CDH13: variants seen among roughly 807,000 people sequenced by gnomAD.
The protein encoded by CDH13 is cadherin 13.
CDH13 carries 24 observed loss-of-function variants against 63.8 expected under a neutral mutation model. That is an observed-to-expected ratio of 0.38 (90% CI 0.27 to 0.53). The LOEUF is 0.53. Among genes scored for constraint, CDH13 ranks in the 20% least tolerant of loss-of-function variants. The probability of loss-of-function intolerance (pLI) is 0.85; values close to 1 mark genes in which losing one functional copy is unlikely to be tolerated. For synonymous variants in CDH13, 503 were observed against 355.3 expected, an observed-to-expected ratio of 1.42 and a Z score of -4.67; for missense variants, 1,049 against 903.1, an observed-to-expected ratio of 1.16 and a Z score of -2.07.
chr16:83,759,812 C>G (rs1351590403), intron 11 of CDH13, among the ~76,000 whole-genome samples: 1 of 151,910 alleles, frequency 6.6e-6, no homozygotes, highest in African/African-American at 2.4e-5. Flanking sequence ...CCTGTGGTCC[C>G]AGCTACACAG....
At chr16:83,086,525 C>G (rs1238517676) in intron 3 of CDH13, among the ~76,000 whole-genome samples, 1 of 152,192 alleles carries the variant, frequency 6.6e-6, no homozygotes, top group Non-Finnish European at 1.5e-5. Context: ...AAGCGGAATC[C>G]TTGTCTTTGT....
chr16:82,968,907 C>G (rs1039318783), intron 2 of CDH13, among the ~76,000 whole-genome samples: 2 of 152,080 alleles, frequency 1.3e-5, no homozygotes, highest in African/African-American at 4.8e-5. Context: ...ATTGCTTGAG[C>G]TCAAGAGTTC....
Position 83,538,268 on chromosome 16 carries a change from G to A in CDH13, c.960+51613G>A, listed in dbSNP as rs796933217. 1.4e-4 allele frequency among the ~76,000 whole-genome samples: 21 copies of A among 152,260 alleles called. 1 individual carries two copies. Among genetic ancestry groups the A allele is most frequent in the African/African-American group, 4.8e-4 (20 of 41,550 alleles). The stretch of plus-strand genomic sequence containing the variant: ...TACATTTATTTCTGGGTATGTTTAG[G>A]TTATTTCTTTTCAGATTTATTTTGG... On this transcript the variant is annotated intron_variant, in intron 7 of 13. Transcript: ENST00000567109.
At chr16:82,904,957 C>A (rs1373731243) in intron 2 of CDH13, among the ~76,000 whole-genome samples, 1 of 151,284 alleles carries the variant, frequency 6.6e-6, no homozygotes, top group African/African-American at 2.5e-5. Context: ...CCAGGTTTCT[C>A]CCATGGAGTG....
At chr16:83,410,320 A>T (rs866979037) in intron 6 of CDH13, among the ~76,000 whole-genome samples, 1 of 152,154 alleles carries the variant, frequency 6.6e-6, no homozygotes, top group South Asian at 2.1e-4. Flanking sequence ...TACTCTGGGG[A>T]AAAAGGCTTT....
At chr16:83,289,953 A>G (rs929893) in intron 5 of CDH13, among the ~76,000 whole-genome samples, 1 of 151,758 alleles carries the variant, frequency 6.6e-6, no homozygotes, top group East Asian at 1.9e-4. Flanking sequence ...GCAGAACAAG[A>G]CTCTTCCTCT....
intron 2 of CDH13, 88 bp from the exon 3 acceptor site, chr16:83,031,922 G>T: frequency 9.8e-7 from 1 of 1,022,402 alleles, no homozygotes. Context: ...AAACTATGTG[G>T]TAATTCACAC....
intron 5 of CDH13, among the ~76,000 whole-genome samples, chr16:83,343,569 C>A (rs188708023): frequency 1.2e-3 from 177 of 152,246 alleles, no homozygotes; most frequent in Middle Eastern, 6.8e-3. Flanking sequence ...TACTGGTTTA[C>A]AATACCATCA....
At chr16:83,226,550 G>T (rs941868549) in intron 5 of CDH13, among the ~76,000 whole-genome samples, 2 of 152,166 alleles carry the variant, frequency 1.3e-5, no homozygotes, top group Admixed American at 6.5e-5. Flanking sequence ...ATGAATAAAT[G>T]ACAGGATGGC....
intron 2 of CDH13, among the ~76,000 whole-genome samples, chr16:82,910,094 C>T (rs956474727): frequency 3.9e-5 from 6 of 152,200 alleles, no homozygotes. Context: ...CTCCACCCCT[C>T]TTTACGCATC....
At chr16:83,258,520 CTG>C (rs990537848) in intron 5 of CDH13, among the ~76,000 whole-genome samples, 1 of 152,164 alleles carries the variant, frequency 6.6e-6, no homozygotes, top group African/African-American at 2.4e-5. Flanking sequence ...GGAAGGCACT[CTG>C]TGAAAGATTG....
intron 8 of CDH13, among the ~76,000 whole-genome samples, chr16:83,629,063 C>T (rs537725360): frequency 2.6e-5 from 4 of 152,146 alleles, no homozygotes; most frequent in African/African-American, 4.8e-5. Context: ...TCCTTATGTT[C>T]CTGCTACTGA....
chr16:83,124,341 C>G (rs61228755), intron 3 of CDH13, among the ~76,000 whole-genome samples: 1 of 152,130 alleles, frequency 6.6e-6, no homozygotes, highest in Admixed American at 6.5e-5. Context: ...CCACCGCACC[C>G]GGCCTACCCA....
At position 83,248,523 on chromosome 16, in the gene CDH13, A is replaced by G. The variant is rs116028934; in HGVS notation, c.636+31026A>G. 4.3e-3 allele frequency among the ~76,000 whole-genome samples: 659 copies of G among 152,300 alleles called. 3 individuals carry two copies. Among genetic ancestry groups the G allele is most frequent in the African/African-American group, 0.015 (628 of 41,562 alleles). On this transcript the variant is annotated intron_variant, in intron 5 of 13. Transcript: ENST00000567109. ...ATGAAAGTCAGGCTCAAGGGTCATCAGGTAGTTAGTAGATCAAGAAGATTT... is the reference window on the plus strand; with the variant it reads ...ATGAAAGTCAGGCTCAAGGGTCATCGGGTAGTTAGTAGATCAAGAAGATTT...
chr16:82,859,725 G>C (rs2039854970), intron 2 of CDH13: 1 of 150,358 alleles, frequency 6.7e-6, no homozygotes, highest in Non-Finnish European at 1.5e-5. Context: ...CAAGTTTAAA[G>C]GAAAGACAAG....
intron 10 of CDH13, among the ~76,000 whole-genome samples, chr16:83,740,292 G>A (rs1911938663): frequency 6.6e-6 from 1 of 151,790 alleles, no homozygotes; most frequent in African/African-American, 2.4e-5. Context: ...TTTAAGCCGG[G>A]GATTCACACT....
At chr16:82,970,858 A>T (rs1208848712) in intron 2 of CDH13, among the ~76,000 whole-genome samples, 1 of 152,210 alleles carries the variant, frequency 6.6e-6, no homozygotes, top group Non-Finnish European at 1.5e-5. Context: ...AATTTTATTA[A>T]AATTATTGCA....
At chr16:82,711,530 G>C (rs1361272982) in intron 1 of CDH13, among the ~76,000 whole-genome samples, 1 of 152,174 alleles carries the variant, frequency 6.6e-6, no homozygotes, top group African/African-American at 2.4e-5. Context: ...AAAAAGATTA[G>C]AGGGTTCTGA....
intron 3 of CDH13, among the ~76,000 whole-genome samples, chr16:83,116,300 G>A (rs556466404): frequency 7.2e-5 from 11 of 152,304 alleles, no homozygotes; most frequent in East Asian, 5.8e-4. Context: ...CATACCTCAC[G>A]GGGAGGGAGG....
Sources: gnomAD v4.1 joint callset for allele counts (sites outside exome capture counted in the v4.1 genomes callset) on GRCh38, gnomAD v4.1.1 for gene constraint, MANE v1.5 for transcripts, NCBI Gene and HGNC (gene_info 2026-07-23, HGNC 2026-07-21) for gene names.